Variants in RBFOX1 observed in about 807,000 individuals in gnomAD.
RBFOX1 encodes RNA binding protein fox-1 homolog 1.
A neutral mutation model predicts 57.7 loss-of-function variants in RBFOX1; 8 were observed. The observed-to-expected ratio is 0.14, with a 90% CI of 0.08 to 0.25. RBFOX1 has a LOEUF of 0.25. Ranked by LOEUF, RBFOX1 falls within the 10% of genes least tolerant of loss-of-function variation. The pLI is 1.00. For synonymous variants in RBFOX1, 326 were observed against 222.4 expected (o/e 1.47, Z -4.15); for missense variants, 611 against 548.5 (o/e 1.11, Z -1.14).
chr16:5,301,369 C>G (rs536523840), intron 1 of RBFOX1, among the ~76,000 whole-genome samples: 1 of 152,146 alleles, frequency 6.6e-6, no homozygotes, highest in Non-Finnish European at 1.5e-5. Flanking sequence ...CCTGTAATAC[C>G]AGCCCTTTGG....
intron 1 of RBFOX1, among the ~76,000 whole-genome samples, chr16:6,203,304 T>A (rs558418644): frequency 6.6e-6 from 1 of 152,286 alleles, no homozygotes; most frequent in South Asian, 2.1e-4. Context: ...TTCTGTGAGT[T>A]TTGATGATTT....
chr16:5,861,748 A>G (rs1395035261), intron 3 of RBFOX1, among the ~76,000 whole-genome samples: 1 of 152,226 alleles, frequency 6.6e-6, no homozygotes, highest in Non-Finnish European at 1.5e-5. Flanking sequence ...CAGAGGCATT[A>G]GCAGATGATT....
intron 2 of RBFOX1, among the ~76,000 whole-genome samples, chr16:5,520,509 G>T (rs1196740651): frequency 6.6e-6 from 1 of 152,148 alleles, no homozygotes; most frequent in Non-Finnish European, 1.5e-5. Flanking sequence ...GGGTTTCTGG[G>T]AAAACATTTT....
At chr16:5,781,339 A>G (rs1208368011) in intron 3 of RBFOX1, among the ~76,000 whole-genome samples, 2 of 152,158 alleles carry the variant, frequency 1.3e-5, no homozygotes, top group Non-Finnish European at 2.9e-5. Flanking sequence ...ACTCTATTGA[A>G]CCTATTTCTA....
chr16:6,049,357 A>G (rs371277077), intron 1 of RBFOX1, among the ~76,000 whole-genome samples: 1 of 152,146 alleles, frequency 6.6e-6, no homozygotes, highest in Admixed American at 6.5e-5. Context: ...ATAAAACTTA[A>G]AGCATATTTA....
intron 1 of RBFOX1, among the ~76,000 whole-genome samples, chr16:6,190,589 A>G (rs2097135306): frequency 6.6e-6 from 1 of 152,236 alleles, no homozygotes; most frequent in African/African-American, 2.4e-5. Flanking sequence ...CCTGTAACAT[A>G]TAAGCACTTG....
At chr16:7,173,715 C>A (rs1377812335) in intron 4 of RBFOX1, among the ~76,000 whole-genome samples, 1 of 152,142 alleles carries the variant, frequency 6.6e-6, no homozygotes, top group Non-Finnish European at 1.5e-5. Flanking sequence ...TTATTTTAAT[C>A]ATCTGTAAAG....
chr16:7,465,702 A>G (rs558062729), intron 4 of RBFOX1, among the ~76,000 whole-genome samples: 9 of 152,306 alleles, frequency 5.9e-5, no homozygotes, highest in East Asian at 1.9e-4. Flanking sequence ...TTCTGGGTCA[A>G]TAGGAGCACT....
chr16:7,162,539 G>T (rs995388523), intron 4 of RBFOX1, among the ~76,000 whole-genome samples: 3 of 149,474 alleles, frequency 2.0e-5, no homozygotes, highest in African/African-American at 5.0e-5. Context: ...AGACCAGCCT[G>T]GCCAACATGG....
In RBFOX1 at chr16:6,024,173, T is replaced by C. The variant is rs1384244442; in HGVS notation, c.-127+4181T>C. On this transcript the variant is annotated intron_variant, in intron 1 of 15. Coordinates refer to ENST00000550418, the MANE Select transcript of RBFOX1 (RefSeq NM_018723.4). ...TGGCCTGCTGCTACAGAAGAGTGTG[T>C]TGTCTTAGGGGAAGGAGTGGCTAAT... Among the ~76,000 whole-genome samples the C allele has an allele frequency of 3.3e-5, 5 of 152,166 alleles. No homozygotes were observed. The East Asian group carries it at 9.6e-4, about 29-fold the overall frequency.
At chr16:6,971,134 T>A (rs1463759157) in intron 3 of RBFOX1, among the ~76,000 whole-genome samples, 1 of 152,124 alleles carries the variant, frequency 6.6e-6, no homozygotes, top group Non-Finnish European at 1.5e-5. Context: ...CATTTGACAA[T>A]TGAGTGGGTC....
intron 4 of RBFOX1, among the ~76,000 whole-genome samples, chr16:7,301,992 C>A (rs1393412740): frequency 6.6e-6 from 1 of 152,120 alleles, no homozygotes; most frequent in Admixed American, 6.5e-5. Flanking sequence ...AAGCTTGTCC[C>A]ATGAATGTGA....
At chr16:6,088,565 C>G (rs1475914130) in intron 1 of RBFOX1, among the ~76,000 whole-genome samples, 1 of 143,788 alleles carries the variant, frequency 7.0e-6, no homozygotes, top group Non-Finnish European at 1.5e-5. Context: ...TATTAAATAC[C>G]AACTCTGTGT....
intron 2 of RBFOX1, among the ~76,000 whole-genome samples, chr16:5,526,080 C>A (rs4641743): frequency 0.098 from 14,847 of 151,962 alleles, 1,745 homozygotes; most frequent in African/African-American, 0.28. Flanking sequence ...CATGTGTAGA[C>A]AGTACCAGCC....
chr16:7,296,346 G>A (rs1448462349), intron 4 of RBFOX1, among the ~76,000 whole-genome samples: 1 of 148,248 alleles, frequency 6.7e-6, no homozygotes, highest in East Asian at 2.0e-4. Context: ...GTGAGTTTAT[G>A]TGTGTATGTA....
At position 6,837,646 on chromosome 16, in the gene RBFOX1, C is replaced by T. The variant is rs564198522; in HGVS notation, c.-16+182996C>T. On this transcript the variant is annotated intron_variant, in intron 3 of 15. Transcript: ENST00000550418. ...CGCTCAATCTCTCTAAGCCTCACTC[C>T]CTCATTGAAAATTGAGGATAATAAT... Among the ~76,000 whole-genome samples the T allele has an allele frequency of 3.3e-3, 502 of 152,266 alleles. 3 individuals are homozygous for T. The highest frequency in any genetic ancestry group is 0.012 in the African/African-American group (479 of 41,554).
At chr16:5,617,312 C>G (rs1288409765) in intron 3 of RBFOX1, among the ~76,000 whole-genome samples, 3 of 152,196 alleles carry the variant, frequency 2.0e-5, no homozygotes, top group Non-Finnish European at 4.4e-5. Context: ...TTCGGACTAG[C>G]CTGTGAGCAC....
chr16:5,833,900 C>T (rs903206712), intron 3 of RBFOX1, among the ~76,000 whole-genome samples: 2 of 152,178 alleles, frequency 1.3e-5, no homozygotes, highest in African/African-American at 4.8e-5. Context: ...ATACTACTCT[C>T]CCTCTCCATA....
chr16:7,319,111 T>G (rs1002007232), intron 4 of RBFOX1, among the ~76,000 whole-genome samples: 3 of 152,216 alleles, frequency 2.0e-5, no homozygotes, highest in African/African-American at 7.2e-5. Context: ...AATCCTTCAG[T>G]TCCCTTTTGT....
Sources: gnomAD v4.1 joint callset for allele counts (sites outside exome capture counted in the v4.1 genomes callset) on GRCh38, gnomAD v4.1.1 for gene constraint, MANE v1.5 for transcripts, NCBI Gene and HGNC (gene_info 2026-07-23, HGNC 2026-07-21) for gene names.